The following TAF4B variants were observed in gnomAD, a reference collection of about 807,000 sequenced individuals.
The protein encoded by TAF4B is transcription initiation factor TFIID subunit 4B.
TAF4B carries 38 observed loss-of-function variants against 86.4 expected under a neutral mutation model. The ratio of observed to expected loss-of-function variants is 0.44; its 90% confidence interval spans 0.34 to 0.58. TAF4B has a LOEUF of 0.58. TAF4B is among the 20% of genes least tolerant of loss of function. The pLI is 0.02. For synonymous variants in TAF4B, 388 were observed against 391.2 expected, an observed-to-expected ratio of 0.99 and a Z score of 0.10; for missense variants, 988 against 1,027.6, an observed-to-expected ratio of 0.96 and a Z score of 0.53.
At chr18:26,236,051 A>G (rs1041707123) in intron 1 of TAF4B, among the ~76,000 whole-genome samples, 1 of 152,094 alleles carries the variant, frequency 6.6e-6, no homozygotes, top group Non-Finnish European at 1.5e-5. Context: ...CCTGATTTGG[A>G]CTGAGTGGGC....
rs76735374 is a variant in TAF4B, at chr18:26,339,208, A to G, written c.2316+3977A>G. Among the ~76,000 whole-genome samples, 1,193 of 152,234 alleles carry G rather than the reference A, an allele frequency of 7.8e-3. 14 individuals are homozygous for G. The highest frequency in any genetic ancestry group is 0.027 in the African/African-American group (1,122 of 41,540). On this transcript the variant is annotated intron_variant, in intron 13 of 14. Coordinates refer to ENST00000269142, the MANE Select transcript of TAF4B (RefSeq NM_005640.3). The stretch of plus-strand genomic sequence containing the variant: ...TCGCTATTATAACTTTATATTTTCT[A>G]TACTAGCCCTTTCAAATTCTGAAAT...
At chr18:26,295,919 C>G (rs1174111348) in intron 9 of TAF4B, among the ~76,000 whole-genome samples, 1 of 151,692 alleles carries the variant, frequency 6.6e-6, no homozygotes, top group African/African-American at 2.4e-5. Flanking sequence ...TATGTAGATT[C>G]TGGTCTTTTG....
At chr18:26,361,883 G>A (rs1166772405) in intron 14 of TAF4B, among the ~76,000 whole-genome samples, 2 of 151,972 alleles carry the variant, frequency 1.3e-5, no homozygotes, top group Non-Finnish European at 2.9e-5. Flanking sequence ...TATATGATAT[G>A]TGTAAATATT....
chr18:26,272,081 GC>G (rs2056326608), intron 3 of TAF4B, among the ~76,000 whole-genome samples: 1 of 151,894 alleles, frequency 6.6e-6, no homozygotes, highest in Admixed American at 6.6e-5. Flanking sequence ...AACAGGAGAG[GC>G]CAGGCTCCTC....
chr18:26,299,462 TG>T (rs1393242819), intron 9 of TAF4B, among the ~76,000 whole-genome samples: 2 of 152,190 alleles, frequency 1.3e-5, no homozygotes, highest in Non-Finnish European at 2.9e-5. Flanking sequence ...TTGATATTCA[TG>T]AGCGATTTGG....
intron 13 of TAF4B, among the ~76,000 whole-genome samples, chr18:26,351,021 G>GAGAAA (rs1298910966): frequency 6.6e-6 from 1 of 152,160 alleles, no homozygotes; most frequent in African/African-American, 2.4e-5. Flanking sequence ...TCCCAGTACT[G>GAGAAA]AGAAAAGAAA....
chr18:26,260,538 G>C (rs144000826), intron 1 of TAF4B, among the ~76,000 whole-genome samples: 1 of 152,054 alleles, frequency 6.6e-6, no homozygotes, highest in Non-Finnish European at 1.5e-5. Flanking sequence ...TTAAATAGGG[G>C]CTCCTTTCCC....
At chr18:26,308,651 T>A (rs1202958681) in intron 9 of TAF4B, among the ~76,000 whole-genome samples, 1 of 152,008 alleles carries the variant, frequency 6.6e-6, no homozygotes, top group Admixed American at 6.6e-5. Context: ...GGTGGGCGGA[T>A]CATCTGAGGT....
intron 5 of TAF4B, among the ~76,000 whole-genome samples, chr18:26,278,976 G>A (rs1386396519): frequency 1.3e-5 from 2 of 151,550 alleles, no homozygotes; most frequent in Non-Finnish European, 2.9e-5. Context: ...ATTGGAACAA[G>A]ACAAGGTCTC....
At position 26,285,985 on chromosome 18, in the gene TAF4B, C is replaced by A. The variant is rs771484857; in HGVS notation, c.1076C>A (p.Thr359Lys). ...SSDMVIATCT[T>K]TVTTSPVVTT... Reference sequence around the variant, plus strand: ...GACATGGTCATTGCTACCTGTACTACAACAGTAACAACTTCTCCTGTGGTG... The same window carrying A: ...GACATGGTCATTGCTACCTGTACTAAAACAGTAACAACTTCTCCTGTGGTG... The change falls in exon 7 of 15, where the codon ACA becomes AAA. Residue 359 changes from threonine (T) to lysine (K), a missense_variant. Coordinates refer to ENST00000269142, the MANE Select transcript of TAF4B (RefSeq NM_005640.3). The A allele has an allele frequency of 4.3e-6, 7 of 1,614,094 alleles. No homozygotes were observed. The highest frequency in any genetic ancestry group is 1.1e-5 in the South Asian group (1 of 91,092).
chr18:26,281,617 A>C (rs1024516047), intron 5 of TAF4B, among the ~76,000 whole-genome samples: 1 of 152,154 alleles, frequency 6.6e-6, no homozygotes, highest in African/African-American at 2.4e-5. Flanking sequence ...AGGTCTCCAA[A>C]CTGAGTAACT....
intron 9 of TAF4B, among the ~76,000 whole-genome samples, chr18:26,295,777 A>T (rs531689546): frequency 2.0e-4 from 30 of 152,042 alleles, no homozygotes; most frequent in African/African-American, 6.5e-4. Flanking sequence ...ATGTTGCCCC[A>T]TTGTTGTCTT....
At chr18:26,258,235 A>C (rs1344564810) in intron 1 of TAF4B, among the ~76,000 whole-genome samples, 1 of 150,838 alleles carries the variant, frequency 6.6e-6, no homozygotes, top group Non-Finnish European at 1.5e-5. Flanking sequence ...GCCTGGTGAC[A>C]GAGCGAGACT....
rs575856332 is a variant in TAF4B, at chr18:26,359,891, T to C, written c.2421+2097T>C. ...ACCACCATGCCTGGCTAATTTTTTTTTTTTTTGGTAGAGACGGAGTTTTGC... is the reference window on the plus strand; with the variant it reads ...ACCACCATGCCTGGCTAATTTTTTTCTTTTTTGGTAGAGACGGAGTTTTGC... On this transcript the variant is annotated intron_variant, in intron 14 of 14. Transcript: ENST00000269142. Among the ~76,000 whole-genome samples the C allele has an allele frequency of 6.5e-4, 98 of 151,720 alleles. 1 individual carries two copies. The highest frequency in any genetic ancestry group is 2.3e-3 in the African/African-American group (96 of 41,406).
intron 12 of TAF4B, among the ~76,000 whole-genome samples, chr18:26,328,213 G>A (rs1385302332): frequency 1.3e-5 from 2 of 152,180 alleles, no homozygotes; most frequent in African/African-American, 4.8e-5. Context: ...CACTTTGGAA[G>A]GCTGAGGTGG....
At chr18:26,343,147 A>G (rs887090773) in intron 13 of TAF4B, among the ~76,000 whole-genome samples, 2 of 152,164 alleles carry the variant, frequency 1.3e-5, no homozygotes, top group African/African-American at 2.4e-5. Flanking sequence ...GCCACCCTCC[A>G]TCCCCTACCC....
chr18:26,379,272 C>T (rs1201546374), intron 14 of TAF4B, among the ~76,000 whole-genome samples: 12 of 152,142 alleles, frequency 7.9e-5, no homozygotes, highest in Non-Finnish European at 1.6e-4. Flanking sequence ...CTAAAAAAAC[C>T]TTTGTGTACC....
chr18:26,263,460 T>G (rs552320509), intron 1 of TAF4B, among the ~76,000 whole-genome samples: 1 of 152,198 alleles, frequency 6.6e-6, no homozygotes, highest in Non-Finnish European at 1.5e-5. Flanking sequence ...TGAAGTGATA[T>G]TTCACTGTGG....
intron 5 of TAF4B, among the ~76,000 whole-genome samples, chr18:26,277,518 T>A (rs937831150): frequency 6.6e-6 from 1 of 152,220 alleles, no homozygotes; most frequent in African/African-American, 2.4e-5. Context: ...CAAATCTCTT[T>A]AGTGGCTGAC....
Sources: gnomAD v4.1 joint callset for allele counts (sites outside exome capture counted in the v4.1 genomes callset) on GRCh38, gnomAD v4.1.1 for gene constraint, MANE v1.5 for transcripts, NCBI Gene and HGNC (gene_info 2026-07-23, HGNC 2026-07-21) for gene names.